Variants in MAP4K5 observed in about 807,000 individuals in gnomAD.
MAP4K5 encodes MAPK/ERK kinase kinase kinase 5.
A neutral mutation model predicts 135.6 loss-of-function variants in MAP4K5; 82 were observed. The observed-to-expected ratio is 0.60, with a 90% confidence interval of 0.51 to 0.73. The LOEUF (loss-of-function observed/expected upper bound fraction) is 0.73, where lower values mean the gene tolerates loss of function less well. Ranked by LOEUF, MAP4K5 falls within the 30% of genes least tolerant of loss-of-function variation. The pLI is 0.00. For synonymous variants in MAP4K5, 347 were observed against 335.0 expected (o/e 1.04, Z -0.39); for missense variants, 907 against 1,010.9 (o/e 0.90, Z 1.39).
At chr14:50,438,118 T>A in intron 23 of MAP4K5, 24 bp from the exon 24 acceptor site, 1 of 756,550 alleles carries the variant, frequency 1.3e-6, no homozygotes. Flanking sequence ...CCAGTAATGT[T>A]CAAAAAGCCA....
rs2036416515 is a variant in MAP4K5 at position 50,448,770 on chromosome 14, T to C, written c.1074+4A>G. The C allele has an allele frequency of 6.5e-7, 1 of 1,538,852 alleles. No homozygotes were observed. Among genetic ancestry groups the C allele is most frequent in the East Asian group, 2.3e-5 (1 of 43,276 alleles). On this transcript the variant is annotated splice_donor_region_variant and intron_variant, in intron 15 of 32. Transcript: ENST00000682126. Reference sequence around the variant, plus strand: ...AAAATAATGCTTTAAAAATGAATTCTTACCATTTCATCTCGTGCTTCTGTT... The same window carrying C: ...AAAATAATGCTTTAAAAATGAATTCCTACCATTTCATCTCGTGCTTCTGTT...
intron 2 of MAP4K5, among the ~76,000 whole-genome samples, chr14:50,520,809 G>A (rs1410206652): frequency 6.8e-6 from 1 of 147,942 alleles, no homozygotes; most frequent in Non-Finnish European, 1.5e-5. Flanking sequence ...GGTGGCTATC[G>A]GCAAAGTCAT....
At chr14:50,503,319 A>G (rs1432646360) in intron 3 of MAP4K5, among the ~76,000 whole-genome samples, 1 of 152,054 alleles carries the variant, frequency 6.6e-6, no homozygotes, top group Non-Finnish European at 1.5e-5. Context: ...CTTCCATGTT[A>G]TTCTTTTTTG....
At chr14:50,440,757 T>C (rs182964237) in intron 21 of MAP4K5, among the ~76,000 whole-genome samples, 1 of 152,244 alleles carries the variant, frequency 6.6e-6, no homozygotes, top group African/African-American at 2.4e-5. Context: ...AACACTCTTT[T>C]GACCAAGGAA....
chr14:50,531,539 A>AT (rs1353644210), intron 2 of MAP4K5, among the ~76,000 whole-genome samples: 1 of 152,170 alleles, frequency 6.6e-6, no homozygotes, highest in Non-Finnish European at 1.5e-5. Flanking sequence ...ATTGAAACAA[A>AT]TTTTTTTAAA....
Position 50,531,966 on chromosome 14 carries a change from G to A in MAP4K5, c.84C>T (p.Ser28=). 1.9e-6 allele frequency: 3 copies of A among 1,603,134 alleles called. No individual in the cohort carries two copies. Among genetic ancestry groups the A allele is most frequent in the Non-Finnish European group, 2.6e-6 (3 of 1,175,008 alleles). The change falls in exon 2 of 33, where the codon AGC becomes AGT. Residue 28 remains serine, a synonymous_variant. Transcript: ENST00000682126. ...CCTTATAGACGTCCCCGTAGGTGCC[G>A]CTGCCGACCCTCTGGACGAGTTCGT... ...QDYELVQRVG[S]GTYGDVYKAR...
intron 10 of MAP4K5, 184 bp downstream of exon 10, chr14:50,468,467 A>G: frequency 1.8e-6 from 1 of 569,086 alleles, no homozygotes; most frequent in South Asian, 2.6e-5. Context: ...AATTGTGAAA[A>G]ATGAATTGAG....
Position 50,532,008 on chromosome 14 carries a change from C to A in MAP4K5, c.42G>T (p.Arg14=). The change falls in exon 2 of 33, where the codon CGG becomes CGT. Residue 14 remains arginine (R), a synonymous_variant. Coordinates refer to ENST00000682126, the MANE Select transcript of MAP4K5 (RefSeq NM_006575.6). ...CGAGTTCGTAGTCCTGCTGCGGGTT[C>A]CGCCTCAGGATGTCCGCGGCAGGCC... is the stretch of plus-strand genomic sequence containing the variant. The part of the protein sequence containing the change: ...PLRPAADILR[R]NPQQDYELVQ... 1 of 1,597,638 alleles carries A rather than the reference C, an allele frequency of 6.3e-7. No homozygotes were observed. Among genetic ancestry groups the A allele is most frequent in the East Asian group, 2.3e-5 (1 of 43,786 alleles).
chr14:50,452,190 A>T (rs1252816770), intron 14 of MAP4K5, among the ~76,000 whole-genome samples: 1 of 152,190 alleles, frequency 6.6e-6, no homozygotes, highest in Non-Finnish European at 1.5e-5. Flanking sequence ...TTTTCAACTT[A>T]AATGGGTTTA....
intron 32 of MAP4K5, among the ~76,000 whole-genome samples, chr14:50,420,897 A>C (rs1595408413): frequency 6.6e-6 from 1 of 152,000 alleles, no homozygotes; most frequent in Non-Finnish European, 1.5e-5. Context: ...AAAAAAAAAA[A>C]GAAGTACTAT....
At chr14:50,524,468 C>CT (rs2140102192) in intron 2 of MAP4K5, among the ~76,000 whole-genome samples, 1 of 152,160 alleles carries the variant, frequency 6.6e-6, no homozygotes, top group East Asian at 1.9e-4. Context: ...CATAAGATCT[C>CT]TGTTCTCATG....
intron 3 of MAP4K5, among the ~76,000 whole-genome samples, chr14:50,489,642 T>C (rs891662321): frequency 1.3e-5 from 2 of 152,138 alleles, no homozygotes; most frequent in Admixed American, 1.3e-4. Context: ...CCTAACAAAA[T>C]CTACCTCCAT....
At chr14:50,486,074 A>C in intron 4 of MAP4K5, 30 bp downstream of exon 4, 2 of 805,400 alleles carry the variant, frequency 2.5e-6, no homozygotes, top group Non-Finnish European at 4.1e-6. Flanking sequence ...TATAAAATAC[A>C]GAGAGAGATG....
At chr14:50,447,514 CTTTGT>C in intron 15 of MAP4K5, 33 bp from the exon 16 acceptor site, 3 of 1,243,664 alleles carry the variant, frequency 2.4e-6, no homozygotes, top group Non-Finnish European at 2.3e-6. Flanking sequence ...TAAAATGTTA[CTTTGT>C]AACAGGTATT....
chr14:50,461,399 G>T (rs1407920253), intron 13 of MAP4K5, among the ~76,000 whole-genome samples: 1 of 151,710 alleles, frequency 6.6e-6, no homozygotes, highest in Non-Finnish European at 1.5e-5. Context: ...TTTAGTGAAG[G>T]TAGAGATAAA....
At chr14:50,476,372 C>A in intron 6 of MAP4K5, 66 bp from the exon 7 acceptor site, 1 of 765,964 alleles carries the variant, frequency 1.3e-6, no homozygotes, top group South Asian at 2.7e-5. Flanking sequence ...CCTAAATTTT[C>A]TACTTAAATT....
At position 50,517,387 on chromosome 14, in the gene MAP4K5, G is replaced by C. The variant is rs984572517; in HGVS notation, c.109-12530C>G. 2.7e-4 allele frequency among the ~76,000 whole-genome samples: 41 copies of C among 151,796 alleles called. 1 individual carries two copies. Among genetic ancestry groups the C allele is most frequent in the Admixed American group, 2.5e-3 (38 of 15,260 alleles). ...GGCTGGTCTCGAACTCCTGACCTCA[G>C]GTGATTCGCTCACCTCGGCCTCCCA... is the stretch of plus-strand genomic sequence containing the variant. On this transcript the variant is annotated intron_variant, in intron 2 of 32. Coordinates refer to ENST00000682126, the MANE Select transcript of MAP4K5 (RefSeq NM_006575.6).
At chr14:50,473,107 C>T (rs2037004396) in intron 9 of MAP4K5, among the ~76,000 whole-genome samples, 1 of 151,978 alleles carries the variant, frequency 6.6e-6, no homozygotes, top group African/African-American at 2.4e-5. Flanking sequence ...CTTTATATGT[C>T]TAAAAGGTTG....
At chr14:50,505,010 C>T (rs1412816164) in intron 2 of MAP4K5, 153 bp from the exon 3 acceptor site, 3 of 511,770 alleles carry the variant, frequency 5.9e-6, no homozygotes, top group East Asian at 6.7e-5. Flanking sequence ...AACTCATTTT[C>T]CCATTAAAGA....
Sources: allele counts gnomAD v4.1 joint callset (sites outside exome capture counted in the v4.1 genomes callset), GRCh38; gene constraint gnomAD v4.1.1; transcripts MANE v1.5; gene names NCBI Gene and HGNC (gene_info 2026-07-23, HGNC 2026-07-21).